NOL4L: variants seen among roughly 807,000 people sequenced by gnomAD.
NOL4L encodes nucleolar protein 4 like.
A neutral mutation model predicts 64.5 loss-of-function variants in NOL4L; 7 were observed. The ratio of observed to expected loss-of-function variants is 0.11; its 90% CI spans 0.06 to 0.20. The LOEUF (loss-of-function observed/expected upper bound fraction) is 0.20. Among genes scored for constraint, NOL4L ranks in the 10% least tolerant of loss-of-function variants. The pLI, the probability that NOL4L is intolerant of heterozygous loss-of-function variation, is 1.00. For missense variants in NOL4L, 680 were observed against 967.1 expected (o/e 0.70, Z 3.94); for synonymous variants, 413 against 401.0 (o/e 1.03, Z -0.36).
intron 3 of NOL4L, among the ~76,000 whole-genome samples, chr20:32,515,687 C>T (rs994648939): frequency 4.6e-5 from 7 of 152,220 alleles, no homozygotes; most frequent in African/African-American, 1.7e-4. Flanking sequence ...TGAGACACGC[C>T]GCCCCCCTCC....
Position 32,536,162 on chromosome 20 carries a change from T to G in NOL4L, c.322-8249A>C, listed in dbSNP as rs1387483689. ...AGCACCCGCCCTAGAAGACACCCAT[T>G]AAAGAGCTCTGTCTGCTACTCTGGC... On this transcript the variant is annotated intron_variant, in intron 1 of 10. Transcript: ENST00000621426. 2.0e-5 allele frequency: 20 copies of G among 985,404 alleles called. 1 individual carries two copies. The highest frequency in any genetic ancestry group is 2.3e-5 in the Non-Finnish European group (19 of 830,070). 61.0% of individuals were successfully genotyped at this position (985,404 alleles called of 1,614,324 possible). A position where few individuals can be genotyped will look rare whatever the true frequency, so the allele number is the denominator to read the frequency against.
Position 32,444,308 on chromosome 20 carries a change from A to C in NOL4L, c.*3288T>G, listed in dbSNP as rs1449982626. 6.6e-6 allele frequency: 1 copy of C among 152,262 alleles called. No homozygotes were observed. Among genetic ancestry groups the C allele is most frequent in the Non-Finnish European group, 1.5e-5 (1 of 68,038 alleles). 9.4% of individuals were successfully genotyped at this position (152,262 alleles called of 1,614,324 possible). On this transcript the variant is annotated 3_prime_UTR_variant, in exon 11 of 11. Transcript: ENST00000621426. ...AGACCATGGACGGATTGAAACTGGT[A>C]TTCTGGTGAAATACTTTACTATTTT...
At chr20:32,500,610 G>C (rs1235795578) in intron 4 of NOL4L, among the ~76,000 whole-genome samples, 1 of 146,012 alleles carries the variant, frequency 6.8e-6, no homozygotes, top group Non-Finnish European at 1.5e-5. Flanking sequence ...CCGATATTTT[G>C]GTTTTTAATA....
chr20:32,453,268 C>T lies in NOL4L; in HGVS notation c.1497+36G>A, dbSNP rs780184820. On this transcript the variant is annotated intron_variant, in intron 8 of 10. Transcript: ENST00000621426. This position sits in a 1 kb window ranked among gnomAD's most constrained non-coding sequence, Gnocchi z 5.6. The stretch of plus-strand genomic sequence containing the variant: ...GTGTGGCAGGAGGTCAGTAGTGGCA[C>T]CGAGGGAAAGTGTGGGCCAGGCAGG... The T allele has an allele frequency of 3.1e-6, 5 of 1,599,350 alleles. No homozygotes were observed. The highest frequency in any genetic ancestry group is 4.3e-6 in the Non-Finnish European group (5 of 1,170,804).
In NOL4L at chr20:32,446,820, G is replaced by A. The variant is rs540855433; in HGVS notation, c.*776C>T. The stretch of plus-strand genomic sequence containing the variant: ...TGTGAGGTAGAATACAGGTGACCAT[G>A]GACTGGGGCTTCTGTAGAATGGGGT... On this transcript the variant is annotated 3_prime_UTR_variant, in exon 11 of 11. Transcript: ENST00000621426. 2 of 208,044 alleles carry A rather than the reference G, an allele frequency of 9.6e-6. No homozygotes were observed. The highest frequency in any genetic ancestry group is 6.5e-5 in the South Asian group (1 of 15,336). 12.9% of individuals were successfully genotyped at this position (208,044 alleles called of 1,614,324 possible).
chr20:32,543,751 C>A (rs1408318378), intron 1 of NOL4L, among the ~76,000 whole-genome samples: 1 of 151,682 alleles, frequency 6.6e-6, no homozygotes, highest in Non-Finnish European at 1.5e-5. Flanking sequence ...GATCTCGCCA[C>A]GGCACTCCAG....
In NOL4L at chr20:32,535,240, G is replaced by A. The variant is rs114556559; in HGVS notation, c.322-7327C>T. 2.2e-3 allele frequency among the ~76,000 whole-genome samples: 327 copies of A among 150,664 alleles called. 3 individuals carry two copies. Among genetic ancestry groups the A allele is most frequent in the African/African-American group, 7.4e-3 (304 of 40,956 alleles). Reference sequence around the variant, plus strand: ...CAAAGGCAGTATTTTAATTTCTCTCGGTTCTGAATACTACCTACTGGGGAC... The same window carrying A: ...CAAAGGCAGTATTTTAATTTCTCTCAGTTCTGAATACTACCTACTGGGGAC... On this transcript the variant is annotated intron_variant, in intron 1 of 10. Coordinates refer to ENST00000621426, the MANE Select transcript of NOL4L (RefSeq NM_001256798.2).
In NOL4L at chr20:32,446,638, G is replaced by A. The variant is rs892803286; in HGVS notation, c.*958C>T. 1.3e-5 allele frequency: 2 copies of A among 153,558 alleles called. No homozygotes were observed. Among genetic ancestry groups the A allele is most frequent in the Non-Finnish European group, 2.9e-5 (2 of 68,932 alleles). The allele number at this position is 153,558 out of a possible 1,614,324, so 9.5% of individuals were successfully genotyped here. On this transcript the variant is annotated 3_prime_UTR_variant, in exon 11 of 11. Transcript: ENST00000621426. ...TGAGGGCCAGAGCTGGAGGGCTGCA[G>A]TGGCTGGTTAGGGACAGGACGCTCT...
intron 1 of NOL4L, chr20:32,537,071 G>A (rs2018557467): frequency 2.6e-5 from 26 of 985,102 alleles, no homozygotes; most frequent in Non-Finnish European, 3.0e-5. Flanking sequence ...GCCCCCCCGG[G>A]ACGCTGCCCA....
intron 4 of NOL4L, chr20:32,483,449 T>C: frequency 1.0e-6 from 1 of 990,768 alleles, no homozygotes; most frequent in African/African-American, 1.8e-5. Flanking sequence ...CTCCAGCTGC[T>C]GCTGCTGCTG....
intron 4 of NOL4L, among the ~76,000 whole-genome samples, chr20:32,496,301 T>C (rs2016685443): frequency 6.6e-6 from 1 of 152,202 alleles, no homozygotes; most frequent in Admixed American, 6.5e-5. Flanking sequence ...GGATGCTGCC[T>C]CTTCAGAGAG....
chr20:32,536,803 G>GT (rs1411804060), intron 1 of NOL4L, among the ~76,000 whole-genome samples: 2 of 123,786 alleles, frequency 1.6e-5, no homozygotes, highest in African/African-American at 5.9e-5. Context: ...TGGGAGTGGG[G>GT]GGGGGGGGGC....
chr20:32,475,522 G>C (rs918636399), intron 4 of NOL4L, among the ~76,000 whole-genome samples: 3 of 152,228 alleles, frequency 2.0e-5, no homozygotes, highest in Non-Finnish European at 4.4e-5. Flanking sequence ...CCGGCCCTTG[G>C]CCAGTCATCC....
intron 4 of NOL4L, among the ~76,000 whole-genome samples, chr20:32,508,003 T>A (rs1357269764): frequency 2.6e-5 from 4 of 152,228 alleles, no homozygotes; most frequent in African/African-American, 9.6e-5. Flanking sequence ...GGTGTGAGAC[T>A]ACATCTCAAA....
chr20:32,539,955 G>C (rs1414761066), intron 1 of NOL4L, among the ~76,000 whole-genome samples: 1 of 152,206 alleles, frequency 6.6e-6, no homozygotes, highest in Non-Finnish European at 1.5e-5. Context: ...GCTGATATGA[G>C]CTGAATCCAG....
intron 4 of NOL4L, among the ~76,000 whole-genome samples, chr20:32,499,830 A>G (rs1356999165): frequency 6.6e-6 from 1 of 152,048 alleles, no homozygotes; most frequent in African/African-American, 2.4e-5. Flanking sequence ...AAAGCCAACA[A>G]AAGAGGAACA....
chr20:32,480,994 G>A (rs2015679965), intron 4 of NOL4L, among the ~76,000 whole-genome samples: 1 of 152,182 alleles, frequency 6.6e-6, no homozygotes, highest in Non-Finnish European at 1.5e-5. Flanking sequence ...TGGGAAATAT[G>A]AGGCAGGAAG....
chr20:32,522,298 G>C (rs1488121941), intron 2 of NOL4L, among the ~76,000 whole-genome samples: 4 of 152,224 alleles, frequency 2.6e-5, no homozygotes, highest in African/African-American at 9.6e-5. Flanking sequence ...GGAGCAGGCA[G>C]GCTCCTTGAT....
At position 32,511,409 on chromosome 20, in the gene NOL4L, T is replaced by C; in HGVS notation, c.637A>G (p.Met213Val). Reference protein sequence around the residue: ...PLVSGIIDYNMPLTSTYLKQM... With the variant: ...PLVSGIIDYNVPLTSTYLKQM... Reference sequence around the variant, plus strand: ...TTCAGGTAGGTGGAGGTGAGGGGCATGTTGTAATCAATAATCCCAGAGACC... The same window carrying C: ...TTCAGGTAGGTGGAGGTGAGGGGCACGTTGTAATCAATAATCCCAGAGACC... The change falls in exon 4 of 11, where the codon ATG becomes GTG. Residue 213 changes from methionine (M) to valine (V), a missense_variant. Physicochemically the swap from Met to Val is conservative, Grantham distance 21. Transcript: ENST00000621426. 6.4e-7 allele frequency: 1 copy of C among 1,550,484 alleles called. No individual in the cohort carries two copies. The highest frequency in any genetic ancestry group is 8.7e-7 in the Non-Finnish European group (1 of 1,146,928).
Sources: gnomAD v4.1 joint callset for allele counts (sites outside exome capture counted in the v4.1 genomes callset) on GRCh38, gnomAD v4.1.1 for gene constraint, Gnocchi (gnomAD v3.1) non-coding constraint, MANE v1.5 for transcripts, NCBI Gene and HGNC (gene_info 2026-07-23, HGNC 2026-07-21) for gene names.